The following ZNF407 variants were observed in gnomAD, a reference collection of about 807,000 sequenced individuals.
The protein encoded by ZNF407 is zinc finger protein 407.
Under a neutral mutation model 131.2 loss-of-function variants are expected in ZNF407, and 17 were observed. The observed-to-expected ratio is 0.13, with a 90% CI of 0.09 to 0.19. The LOEUF (loss-of-function observed/expected upper bound fraction) is 0.19, where lower values mean the gene tolerates loss of function less well. Ranked by LOEUF, ZNF407 falls within the 10% of genes least tolerant of loss-of-function variation. The pLI is 1.00. For missense variants in ZNF407, 2,681 were observed against 2,830.6 expected, an observed-to-expected ratio of 0.95 and a Z score of 1.20; for synonymous variants, 1,156 against 1,062.0, an observed-to-expected ratio of 1.09 and a Z score of -1.72.
intron 6 of ZNF407, 64 bp downstream of exon 6, chr18:74,881,183 A>T (rs1971233342): frequency 2.2e-6 from 3 of 1,375,086 alleles, no homozygotes; most frequent in Non-Finnish European, 3.0e-6. Context: ...CCCAGCCTCA[A>T]TTCTTGATGT....
At chr18:75,040,226 G>A (rs1037728635) in intron 8 of ZNF407, among the ~76,000 whole-genome samples, 1 of 152,166 alleles carries the variant, frequency 6.6e-6, no homozygotes, top group African/African-American at 2.4e-5. Flanking sequence ...TTTTGTCACA[G>A]TCATGAGAAT....
chr18:74,823,686 A>T (rs1047532261), intron 4 of ZNF407, among the ~76,000 whole-genome samples: 1 of 152,230 alleles, frequency 6.6e-6, no homozygotes, highest in South Asian at 2.1e-4. Context: ...TATGCACCCA[A>T]TACGGGAACA....
intron 3 of ZNF407, among the ~76,000 whole-genome samples, chr18:74,717,503 A>G (rs1047008579): frequency 2.0e-5 from 3 of 152,216 alleles, no homozygotes; most frequent in African/African-American, 7.2e-5. Context: ...ATGTATACAG[A>G]TCTAAAAACA....
chr18:74,740,465 C>T (rs1568191869), intron 3 of ZNF407, among the ~76,000 whole-genome samples: 1 of 152,236 alleles, frequency 6.6e-6, no homozygotes, highest in Non-Finnish European at 1.5e-5. Flanking sequence ...CCATTCAGCA[C>T]AGTACATATG....
At chr18:74,599,752 C>T (rs1170437130) in intron 1 of ZNF407, among the ~76,000 whole-genome samples, 1 of 152,098 alleles carries the variant, frequency 6.6e-6, no homozygotes, top group East Asian at 1.9e-4. Context: ...ATAAAATATA[C>T]TCTCCTAGTT....
At chr18:74,987,061 A>C (rs1425270387) in intron 8 of ZNF407, among the ~76,000 whole-genome samples, 1 of 152,122 alleles carries the variant, frequency 6.6e-6, no homozygotes, top group Non-Finnish European at 1.5e-5. Flanking sequence ...CAACCCCAAC[A>C]CCAGACATTT....
At chr18:74,747,121 G>A (rs1267216182) in intron 3 of ZNF407, among the ~76,000 whole-genome samples, 1 of 150,570 alleles carries the variant, frequency 6.6e-6, no homozygotes, top group East Asian at 2.0e-4. Flanking sequence ...GTGACCATAT[G>A]TAATATTTTT....
At chr18:74,817,382 A>G (rs1170113196) in intron 4 of ZNF407, among the ~76,000 whole-genome samples, 3 of 152,120 alleles carry the variant, frequency 2.0e-5, no homozygotes. Flanking sequence ...GATAAAGTTT[A>G]TGTTGTTCAT....
At chr18:74,904,793 C>A (rs1971574023) in intron 7 of ZNF407, among the ~76,000 whole-genome samples, 2 of 152,144 alleles carry the variant, frequency 1.3e-5, no homozygotes, top group African/African-American at 4.8e-5. Flanking sequence ...ACAGAAGGAG[C>A]AAGTGTAACT....
At chr18:74,977,298 T>C (rs1333319769) in intron 8 of ZNF407, among the ~76,000 whole-genome samples, 1 of 152,220 alleles carries the variant, frequency 6.6e-6, no homozygotes, top group African/African-American at 2.4e-5. Context: ...CAGATGGTGG[T>C]GAGAGCCTAA....
intron 8 of ZNF407, among the ~76,000 whole-genome samples, chr18:75,038,283 A>G (rs1973332687): frequency 1.3e-5 from 2 of 152,240 alleles, no homozygotes; most frequent in South Asian, 4.1e-4. Context: ...AGCTGCTCCC[A>G]GGAGCTGGAT....
chr18:74,889,794 C>G (rs1414978113), intron 6 of ZNF407, 124 bp from the exon 7 acceptor site: 1 of 811,286 alleles, frequency 1.2e-6, no homozygotes, highest in African/African-American at 1.8e-5. Context: ...TGTGTGGAGT[C>G]CATTGAATCA....
At chr18:74,831,016 A>C (rs1355349720) in intron 4 of ZNF407, among the ~76,000 whole-genome samples, 1 of 152,162 alleles carries the variant, frequency 6.6e-6, no homozygotes, top group Non-Finnish European at 1.5e-5. Flanking sequence ...GAGAACATGC[A>C]GAGTTTATAA....
Position 74,919,653 on chromosome 18 carries a change from T to C in ZNF407, c.5250-861T>C, listed in dbSNP as rs1030981873. Among the ~76,000 whole-genome samples, 42 of 152,224 alleles carry C rather than the reference T, an allele frequency of 2.8e-4. 1 individual carries two copies. The highest frequency in any genetic ancestry group is 9.9e-4 in the African/African-American group (41 of 41,460). ...ACACCTACTTGAAATTGTATAGGGC[T>C]CTTTTTATTACTGTTCTAAAAATGA... On this transcript the variant is annotated intron_variant, in intron 7 of 8. Coordinates refer to ENST00000299687, the MANE Select transcript of ZNF407 (RefSeq NM_017757.3).
intron 3 of ZNF407, among the ~76,000 whole-genome samples, chr18:74,734,787 T>A (rs1161973371): frequency 6.6e-6 from 1 of 151,722 alleles, no homozygotes; most frequent in East Asian, 1.9e-4. Context: ...AGGCTGACAT[T>A]TAGTTGAGAT....
chr18:74,635,096 C>T lies in ZNF407; in HGVS notation c.4077C>T (p.Ser1359=). The change falls in exon 2 of 9, where the codon TCC becomes TCT. Residue 1359 remains serine, a synonymous_variant. Coordinates refer to ENST00000299687, the MANE Select transcript of ZNF407 (RefSeq NM_017757.3). This position sits in a 1 kb window ranked among gnomAD's most constrained non-coding sequence, Gnocchi z 4.7. ...ACAGTTTTGGTCGATTTGACTCCTCCATAATAAGAATAAAGAACCCTGAAG... is the reference window on the plus strand; with the variant it reads ...ACAGTTTTGGTCGATTTGACTCCTCTATAATAAGAATAAAGAACCCTGAAG... The part of the protein sequence containing the change: ...AMYSFGRFDS[S]IIRIKNPEDG... 6.2e-7 allele frequency: 1 copy of T among 1,613,836 alleles called. No homozygotes were observed. The highest frequency in any genetic ancestry group is 8.5e-7 in the Non-Finnish European group (1 of 1,179,862).
chr18:74,867,892 C>T (rs1971035894), intron 4 of ZNF407, among the ~76,000 whole-genome samples: 1 of 152,090 alleles, frequency 6.6e-6, no homozygotes, highest in Admixed American at 6.5e-5. Flanking sequence ...TCATAGCTTC[C>T]ATTAATATGC....
At chr18:74,604,620 T>C (rs558765779) in intron 1 of ZNF407, among the ~76,000 whole-genome samples, 2 of 152,310 alleles carry the variant, frequency 1.3e-5, no homozygotes, top group South Asian at 4.1e-4. Context: ...TCATGCCCCA[T>C]AGGGAGCAAG....
chr18:74,962,282 G>A (rs2145293167), intron 8 of ZNF407, among the ~76,000 whole-genome samples: 1 of 152,250 alleles, frequency 6.6e-6, no homozygotes, highest in South Asian at 2.1e-4. Context: ...TTTACTCAGG[G>A]ACACAATGAT....
Sources: gnomAD v4.1 joint callset for allele counts (sites outside exome capture counted in the v4.1 genomes callset) on GRCh38, gnomAD v4.1.1 for gene constraint, Gnocchi (gnomAD v3.1) non-coding constraint, MANE v1.5 for transcripts, NCBI Gene and HGNC (gene_info 2026-07-23, HGNC 2026-07-21) for gene names.